FAM227B: variants seen among roughly 807,000 people sequenced by gnomAD.
FAM227B encodes family with sequence similarity 227 member B.
FAM227B carries 88 observed loss-of-function variants against 73.8 expected under a neutral mutation model. The ratio of observed to expected loss-of-function variants is 1.19; its 90% CI spans 1.00 to 1.42. FAM227B has a LOEUF of 1.42. Among genes scored for constraint, FAM227B ranks in the 40% most tolerant of loss-of-function variants. The pLI is 0.00. For synonymous variants in FAM227B, 210 were observed against 190.5 expected (o/e 1.10, Z -0.84); for missense variants, 632 against 590.9 (o/e 1.07, Z -0.72).
chr15:49,582,032 C>T (rs2075844136), intron 5 of FAM227B, among the ~76,000 whole-genome samples: 2 of 152,138 alleles, frequency 1.3e-5, no homozygotes, highest in Non-Finnish European at 2.9e-5. Context: ...TACCTGCTTG[C>T]AGTACACATA....
At chr15:49,347,161 G>A (rs1013506027) in intron 13 of FAM227B, among the ~76,000 whole-genome samples, 29 of 152,130 alleles carry the variant, frequency 1.9e-4, no homozygotes, top group Non-Finnish European at 1.0e-4. Flanking sequence ...TGAGGGAAGG[G>A]CTATTGAAAA....
intron 11 of FAM227B, among the ~76,000 whole-genome samples, chr15:49,492,195 A>G (rs1314915773): frequency 1.3e-5 from 2 of 151,936 alleles, no homozygotes; most frequent in Non-Finnish European, 1.5e-5. Context: ...CACAGGTTTG[A>G]AAGCACAAGA....
chr15:49,360,409 T>C (rs567551490), intron 13 of FAM227B, among the ~76,000 whole-genome samples: 2 of 152,320 alleles, frequency 1.3e-5, no homozygotes, highest in African/African-American at 4.8e-5. Flanking sequence ...ACACTTTTCT[T>C]TTTAACGAGA....
chr15:49,475,227 T>C (rs1207078327), intron 11 of FAM227B, among the ~76,000 whole-genome samples: 1 of 152,226 alleles, frequency 6.6e-6, no homozygotes, highest in African/African-American at 2.4e-5. Flanking sequence ...AATAAAGTGT[T>C]ACTGAAAGAA....
chr15:49,442,811 C>T (rs1011723660), intron 11 of FAM227B, among the ~76,000 whole-genome samples: 3 of 151,654 alleles, frequency 2.0e-5, no homozygotes, highest in Admixed American at 6.6e-5. Flanking sequence ...TTTTTAATTC[C>T]GTTTGTGCTT....
In FAM227B at chr15:49,590,025, G is replaced by C; in HGVS notation, c.106-18C>G. 8.1e-7 allele frequency: 1 copy of C among 1,236,078 alleles called. No individual in the cohort carries two copies. The highest frequency in any genetic ancestry group is 1.5e-5 in the African/African-American group (1 of 67,344). The allele number at this position is 1,236,078 out of a possible 1,614,324, so 76.6% of individuals were successfully genotyped here. On this transcript the variant is annotated intron_variant, in intron 3 of 15. Coordinates refer to ENST00000299338, the MANE Select transcript of FAM227B (RefSeq NM_152647.3). Reference sequence around the variant, plus strand: ...CAATAATCCTGCAAAAAACGTGAAAGAGAGAATATAGCTTAAGTCATTTTT... The same window carrying C: ...CAATAATCCTGCAAAAAACGTGAAACAGAGAATATAGCTTAAGTCATTTTT...
At position 49,489,720 on chromosome 15, in the gene FAM227B, G is replaced by A. The variant is rs541750157; in HGVS notation, c.1012+18491C>T. ...GACTTGAAAACAATTGATTTCAATG[G>A]TAGGTACACACTGGTATCCCCTGTT... On this transcript the variant is annotated intron_variant, in intron 11 of 15. Transcript: ENST00000299338. Among the ~76,000 whole-genome samples the A allele has an allele frequency of 2.3e-3, 330 of 144,710 alleles. 5 individuals are homozygous for A. The highest frequency in any genetic ancestry group is 1.0e-2 in the South Asian group (44 of 4,420). The allele number at this position is 144,710 out of a possible 152,430, so 94.9% of individuals were successfully genotyped here.
At chr15:49,550,273 T>G (rs1340632918) in intron 9 of FAM227B, among the ~76,000 whole-genome samples, 5 of 101,358 alleles carry the variant, frequency 4.9e-5, no homozygotes, top group African/African-American at 1.2e-4. Context: ...CACTTCCCAG[T>G]AGGGGCGGCC....
At chr15:49,529,988 C>A (rs1186971277) in intron 10 of FAM227B, among the ~76,000 whole-genome samples, 5 of 151,618 alleles carry the variant, frequency 3.3e-5, no homozygotes, top group Non-Finnish European at 5.9e-5. Flanking sequence ...CACAGATGCA[C>A]CATAGTTTGT....
At chr15:49,481,072 T>C (rs1483611202) in intron 11 of FAM227B, among the ~76,000 whole-genome samples, 8 of 152,138 alleles carry the variant, frequency 5.3e-5, no homozygotes, top group African/African-American at 1.9e-4. Context: ...AAAGAAAATA[T>C]ATTAAATAAA....
At chr15:49,382,624 A>G (rs2046617517) in intron 11 of FAM227B, among the ~76,000 whole-genome samples, 1 of 152,138 alleles carries the variant, frequency 6.6e-6, no homozygotes, top group Admixed American at 6.5e-5. Context: ...AAAATGGGCC[A>G]GGAATCATTC....
chr15:49,600,663 A>AG (rs36045204), intron 3 of FAM227B, among the ~76,000 whole-genome samples: 16,193 of 150,924 alleles, frequency 0.11, 1,239 homozygotes, highest in East Asian at 0.36. Context: ...TCAAAAAAAA[A>AG]AAAAAAATCC....
At chr15:49,573,501 T>C (rs926476153) in intron 8 of FAM227B, among the ~76,000 whole-genome samples, 2 of 152,164 alleles carry the variant, frequency 1.3e-5, no homozygotes, top group African/African-American at 2.4e-5. Flanking sequence ...TGGGAGGTGT[T>C]TGGGTCTTGG....
chr15:49,519,963 T>C (rs2059664385), intron 10 of FAM227B, among the ~76,000 whole-genome samples: 1 of 152,156 alleles, frequency 6.6e-6, no homozygotes, highest in Admixed American at 6.6e-5. Flanking sequence ...AACCATATAT[T>C]TGTGAATACA....
chr15:49,434,680 A>G (rs1266093526), intron 11 of FAM227B: 1 of 151,614 alleles, frequency 6.6e-6, no homozygotes, highest in Non-Finnish European at 1.5e-5. Flanking sequence ...TATTAAAAAT[A>G]TAAGAACATT....
chr15:49,423,115 T>C (rs774243801), intron 11 of FAM227B: 9 of 179,650 alleles, frequency 5.0e-5, no homozygotes, highest in Non-Finnish European at 8.3e-5. Context: ...CTCATGACCA[T>C]TGAATACTAT....
rs988445435 is a variant in FAM227B at position 49,582,640 on chromosome 15, A to C, written c.406-4976T>G. ...ACTGGGTCAAACGGACCTGGCAGAC[A>C]TCTACAGAACTCACCACTCCAAAAT... On this transcript the variant is annotated intron_variant, in intron 5 of 15. Transcript: ENST00000299338. 3.3e-5 allele frequency among the ~76,000 whole-genome samples: 5 copies of C among 152,196 alleles called. No homozygotes were observed. The East Asian group carries it at 9.6e-4, about 29-fold the overall frequency.
At chr15:49,546,741 G>A (rs1180238540) in intron 9 of FAM227B, among the ~76,000 whole-genome samples, 3 of 76,012 alleles carry the variant, frequency 3.9e-5, no homozygotes, top group African/African-American at 1.2e-4. Flanking sequence ...AGAGGAAAAA[G>A]AATAAAAAGA....
At chr15:49,461,672 A>G (rs941033151) in intron 11 of FAM227B, among the ~76,000 whole-genome samples, 4 of 152,236 alleles carry the variant, frequency 2.6e-5, no homozygotes, top group Non-Finnish European at 5.9e-5. Context: ...TACATTCTCA[A>G]AGCATCAAAA....
Sources: gnomAD v4.1 joint callset for allele counts (sites outside exome capture counted in the v4.1 genomes callset) on GRCh38, gnomAD v4.1.1 for gene constraint, MANE v1.5 for transcripts, NCBI Gene and HGNC (gene_info 2026-07-23, HGNC 2026-07-21) for gene names.